FAM81A: variants seen among roughly 807,000 people sequenced by gnomAD.
FAM81A encodes protein FAM81A.
In FAM81A, 19 loss-of-function variants were observed where a neutral mutation model predicts 46.7. The ratio of observed to expected loss-of-function variants is 0.41; its 90% CI spans 0.28 to 0.60. The LOEUF is 0.60. FAM81A is among the 20% of genes least tolerant of loss of function. The pLI is 0.34. For missense variants in FAM81A, 377 were observed against 453.5 expected, an observed-to-expected ratio of 0.83 and a Z score of 1.53; for synonymous variants, 183 against 152.9, an observed-to-expected ratio of 1.20 and a Z score of -1.45.
chr15:59,516,350 G>C (rs544839899), intron 7 of FAM81A, among the ~76,000 whole-genome samples: 1 of 151,936 alleles, frequency 6.6e-6, no homozygotes, highest in Non-Finnish European at 1.5e-5. Flanking sequence ...GGCTTGTCTC[G>C]AACTCCTGAC....
At chr15:59,484,441 A>G (rs569553477) in intron 3 of FAM81A, among the ~76,000 whole-genome samples, 1 of 152,138 alleles carries the variant, frequency 6.6e-6, no homozygotes. Flanking sequence ...ACATCATATC[A>G]CTGAAAGAGG....
chr15:59,422,667 G>A (rs924166080), intron 2 of FAM81A, among the ~76,000 whole-genome samples: 4 of 151,904 alleles, frequency 2.6e-5, no homozygotes, highest in Non-Finnish European at 4.4e-5. Context: ...TAGTAGAGAC[G>A]GGGTTTCACT....
intron 2 of FAM81A, chr15:59,407,955 C>T (rs1364711639): frequency 1.2e-5 from 2 of 168,900 alleles, no homozygotes; most frequent in African/African-American, 4.8e-5. Flanking sequence ...GAGGATCGCT[C>T]TTTGCCTCTG....
chr15:59,433,910 C>T (rs374323535), upstream of FAM81A, among the ~76,000 whole-genome samples: 2 of 152,164 alleles, frequency 1.3e-5, no homozygotes, highest in South Asian at 4.2e-4. Flanking sequence ...GGCTGAAGTA[C>T]AGTGGCGCGA....
chr15:59,407,743 A>G, intron 2 of FAM81A: 1 of 209,582 alleles, frequency 4.8e-6, no homozygotes, highest in Non-Finnish European at 9.5e-6. Flanking sequence ...TCCTGCTCGA[A>G]AAACAGGTGG....
intron 3 of FAM81A, among the ~76,000 whole-genome samples, chr15:59,491,684 C>T (rs1435137506): frequency 6.6e-6 from 1 of 152,158 alleles, no homozygotes; most frequent in African/African-American, 2.4e-5. Flanking sequence ...ATGGCTCAAA[C>T]CTGTAATCCC....
At chr15:59,438,101 G>C (rs1396535753), upstream of FAM81A, 1 of 146,424 alleles carries the variant, frequency 6.8e-6, no homozygotes, top group Non-Finnish European at 1.5e-5. Context: ...CGCGCCCCCC[G>C]GGAGCCGCGA....
intron 3 of FAM81A, among the ~76,000 whole-genome samples, chr15:59,481,918 A>C (rs2081857065): frequency 6.6e-6 from 1 of 151,826 alleles, no homozygotes; most frequent in Non-Finnish European, 1.5e-5. Context: ...GATTTAAAAT[A>C]TTTGCTTCTT....
At chr15:59,419,166 C>A (rs974135809) in intron 2 of FAM81A, among the ~76,000 whole-genome samples, 1 of 152,114 alleles carries the variant, frequency 6.6e-6, no homozygotes, top group East Asian at 1.9e-4. Flanking sequence ...CCCATAACAA[C>A]GATAATATCA....
intron 2 of FAM81A, among the ~76,000 whole-genome samples, chr15:59,431,437 G>T (rs112116420): frequency 2.6e-5 from 4 of 151,620 alleles, no homozygotes; most frequent in African/African-American, 9.7e-5. Context: ...GTTTCACCAT[G>T]TTGGTCAGGC....
chr15:59,482,344 C>T (rs114678699), intron 3 of FAM81A, among the ~76,000 whole-genome samples: 1 of 152,122 alleles, frequency 6.6e-6, no homozygotes, highest in Non-Finnish European at 1.5e-5. Flanking sequence ...TCTTGGCTCA[C>T]TACGATCTCC....
chr15:59,511,176 A>T (rs1226934126), intron 6 of FAM81A, among the ~76,000 whole-genome samples: 2 of 152,232 alleles, frequency 1.3e-5, no homozygotes, highest in Admixed American at 6.5e-5. Flanking sequence ...TGAGCAAAGA[A>T]TATGATGAAC....
At chr15:59,506,599 T>G (rs141358569) in intron 4 of FAM81A, among the ~76,000 whole-genome samples, 20 of 152,330 alleles carry the variant, frequency 1.3e-4, no homozygotes, top group African/African-American at 4.8e-4. Context: ...TAAACTCTTA[T>G]GGGTCCATTC....
intron 2 of FAM81A, among the ~76,000 whole-genome samples, chr15:59,410,868 A>G (rs2081117348): frequency 6.6e-6 from 1 of 152,132 alleles, no homozygotes; most frequent in Non-Finnish European, 1.5e-5. Context: ...CTCCTGCCTC[A>G]GCCTCCTGAA....
At chr15:59,461,966 G>T (rs1181210718) in intron 3 of FAM81A, among the ~76,000 whole-genome samples, 6 of 152,122 alleles carry the variant, frequency 3.9e-5, no homozygotes, top group Non-Finnish European at 7.4e-5. Flanking sequence ...CTCTTAAGGA[G>T]GCCGAGGCAG....
At chr15:59,487,431 A>T (rs978867315) in intron 3 of FAM81A, among the ~76,000 whole-genome samples, 18 of 151,586 alleles carry the variant, frequency 1.2e-4, no homozygotes, top group African/African-American at 4.3e-4. Context: ...AGCAGACATA[A>T]GTGAAATGAG....
At chr15:59,503,413 A>G (rs1223034301) in intron 4 of FAM81A, among the ~76,000 whole-genome samples, 1 of 152,074 alleles carries the variant, frequency 6.6e-6, no homozygotes, top group East Asian at 1.9e-4. Context: ...GTTTCTTTAC[A>G]GTGTGATTTT....
At chr15:59,495,726 G>C (rs2082026268) in intron 4 of FAM81A, among the ~76,000 whole-genome samples, 1 of 152,102 alleles carries the variant, frequency 6.6e-6, no homozygotes, top group African/African-American at 2.4e-5. Flanking sequence ...GGTTTGAAGA[G>C]GTATCTCATT....
At position 59,414,846 on chromosome 15, in the gene FAM81A, C is replaced by T. The variant is rs1048602775; in HGVS notation, c.-78+12488C>T. Among the ~76,000 whole-genome samples, 15 of 151,894 alleles carry T rather than the reference C, an allele frequency of 9.9e-5. No individual in the cohort carries two copies. In the East Asian group the frequency reaches 2.1e-3, roughly 22 times the overall value. On this transcript the variant is annotated intron_variant, in intron 2 of 4. Transcript: ENST00000558348. Reference sequence around the variant, plus strand: ...CTTTTTTTTTTTTGAGATGGAGTCTCGCTCTGTCACCCAGGCTGGAGTGCA... The same window carrying T: ...CTTTTTTTTTTTTGAGATGGAGTCTTGCTCTGTCACCCAGGCTGGAGTGCA...
Sources: gnomAD v4.1 joint callset for allele counts (sites outside exome capture counted in the v4.1 genomes callset) on GRCh38, gnomAD v4.1.1 for gene constraint, MANE v1.5 for transcripts, NCBI Gene and HGNC (gene_info 2026-07-23, HGNC 2026-07-21) for gene names.